MALRD1: variants seen among roughly 807,000 people sequenced by gnomAD.
The protein encoded by MALRD1 is MAM and LDL-receptor class A domain-containing protein 1.
MALRD1 carries 247 observed loss-of-function variants against 242.1 expected under a neutral mutation model. The ratio of observed to expected loss-of-function variants is 1.02; its 90% CI spans 0.92 to 1.13. The LOEUF (loss-of-function observed/expected upper bound fraction) is 1.13, where lower values mean the gene tolerates loss of function less well. Ranked by LOEUF, MALRD1 falls within the 50% of genes most tolerant of loss-of-function variation. MALRD1 has a pLI of 0.00. For missense variants in MALRD1, 2,989 were observed against 2,533.1 expected (o/e 1.18, Z -3.86); for synonymous variants, 995 against 866.6 (o/e 1.15, Z -2.60).
chr10:19,216,060 G>GCTTCCC (rs1178039100), intron 18 of MALRD1, among the ~76,000 whole-genome samples: 1 of 150,682 alleles, frequency 6.6e-6, no homozygotes, highest in Non-Finnish European at 1.5e-5. Context: ...AATAAGAGTA[G>GCTTCCC]CTTCTGCTGA....
rs1381605572 is a variant in MALRD1 at position 19,646,490 on chromosome 10, A to T, written c.6137+30567A>T. On this transcript the variant is annotated intron_variant, in intron 36 of 39. Transcript: ENST00000454679. ...TGTAGTGGCACGCACATGTAATACC[A>T]GCTACTTGGGAGGCTGAGGCAGGAG... Among the ~76,000 whole-genome samples, 3 of 152,162 alleles carry T rather than the reference A, an allele frequency of 2.0e-5. No individual in the cohort carries two copies. The East Asian group carries it at 5.8e-4, about 29-fold the overall frequency.
At chr10:19,159,447 G>T (rs1312172971) in intron 12 of MALRD1, among the ~76,000 whole-genome samples, 1 of 151,952 alleles carries the variant, frequency 6.6e-6, no homozygotes, top group African/African-American at 2.4e-5. Context: ...ACTGAGGAAG[G>T]CATAAAGGGT....
chr10:19,418,876 T>G (rs12249309), intron 28 of MALRD1, among the ~76,000 whole-genome samples: 10,878 of 152,252 alleles, frequency 0.071, 456 homozygotes, highest in Non-Finnish European at 0.084. Context: ...TGGCCTCCTT[T>G]CATTCTAACT....
intron 33 of MALRD1, among the ~76,000 whole-genome samples, chr10:19,582,214 C>G (rs1837164020): frequency 2.0e-5 from 3 of 152,028 alleles, no homozygotes; most frequent in Admixed American, 2.0e-4. Flanking sequence ...TGTGCAGAAG[C>G]TCTTTAGTTT....
intron 31 of MALRD1, among the ~76,000 whole-genome samples, chr10:19,530,404 T>TATAA (rs1564417318): frequency 1.7e-3 from 32 of 19,268 alleles, no homozygotes; most frequent in Admixed American, 2.6e-3. Context: ...ATAAATATTA[T>TATAA]ATATTTATAT....
At chr10:19,132,497 G>A (rs1016861535) in intron 8 of MALRD1, among the ~76,000 whole-genome samples, 1 of 152,208 alleles carries the variant, frequency 6.6e-6, no homozygotes, top group African/African-American at 2.4e-5. Context: ...GAAATTTGGA[G>A]TAAGCATTTG....
intron 14 of MALRD1, among the ~76,000 whole-genome samples, chr10:19,189,659 A>G (rs1835889914): frequency 6.6e-6 from 1 of 152,162 alleles, no homozygotes; most frequent in African/African-American, 2.4e-5. Context: ...TCAACCTAGG[A>G]ATATCTGTCT....
chr10:19,562,916 C>A (rs1366236600), intron 32 of MALRD1, among the ~76,000 whole-genome samples: 1 of 152,172 alleles, frequency 6.6e-6, no homozygotes, highest in South Asian at 2.1e-4. Context: ...CTTCCCCTGG[C>A]ACCCCATCCG....
intron 29 of MALRD1, 56 bp downstream of exon 29, chr10:19,450,546 A>T: frequency 7.0e-7 from 1 of 1,425,354 alleles, no homozygotes; most frequent in Non-Finnish European, 9.5e-7. Flanking sequence ...TAGCCATTTT[A>T]TTTTTGTTAC....
chr10:19,087,990 T>C, intron 3 of MALRD1, 34 bp from the exon 4 acceptor site: 1 of 1,233,190 alleles, frequency 8.1e-7, no homozygotes, highest in Non-Finnish European at 1.0e-6. Flanking sequence ...GACTTCTTTA[T>C]CATAATTGTT....
chr10:19,730,263 A>G (rs1329099886), intron 38 of MALRD1, among the ~76,000 whole-genome samples: 1 of 152,234 alleles, frequency 6.6e-6, no homozygotes, highest in Admixed American at 6.5e-5. Flanking sequence ...GATCTTTATG[A>G]CAGATACTGT....
chr10:19,064,599 A>C (rs1207975484), intron 1 of MALRD1, among the ~76,000 whole-genome samples: 1 of 151,944 alleles, frequency 6.6e-6, no homozygotes, highest in African/African-American at 2.4e-5. Flanking sequence ...ATTTAGATGA[A>C]AAAATGTTTT....
intron 5 of MALRD1, among the ~76,000 whole-genome samples, chr10:19,108,370 C>T (rs1836546181): frequency 7.5e-6 from 1 of 133,682 alleles, no homozygotes; most frequent in Admixed American, 7.8e-5. Context: ...AATTATTGAG[C>T]TCATGAATTG....
chr10:19,098,341 A>T (rs924243324), intron 4 of MALRD1, among the ~76,000 whole-genome samples: 6 of 152,290 alleles, frequency 3.9e-5, no homozygotes, highest in Admixed American at 3.3e-4. Context: ...CATTTCTTTG[A>T]TATTTCATCG....
At chr10:19,581,106 A>G (rs537345846) in intron 33 of MALRD1, among the ~76,000 whole-genome samples, 88 of 152,342 alleles carry the variant, frequency 5.8e-4, no homozygotes, top group African/African-American at 2.0e-3. Flanking sequence ...TTATGGAGAC[A>G]TAAGCACAAA....
chr10:19,203,871 G>C lies in MALRD1; in HGVS notation c.2095G>C (p.Ala699Pro). 2 of 1,550,424 alleles carry C rather than the reference G, an allele frequency of 1.3e-6. No homozygotes were observed. Among genetic ancestry groups the C allele is most frequent in the Non-Finnish European group, 1.7e-6 (2 of 1,146,896 alleles). The change falls in exon 15 of 40, where the codon GCA becomes CCA. Residue 699 changes from alanine (A) to proline (P), a missense_variant. Transcript: ENST00000454679. The stretch of plus-strand genomic sequence containing the variant: ...TCCACCTCGGGATCATAGTCTCAAC[G>C]CATCTCAAGGTAAGAAGCAAACAGG... ...QAPPRDHSLNASQGHFMFILK... is the reference protein window; with the variant it reads ...QAPPRDHSLNPSQGHFMFILK...
intron 29 of MALRD1, among the ~76,000 whole-genome samples, chr10:19,460,991 A>G (rs1835910213): frequency 6.6e-6 from 1 of 152,156 alleles, no homozygotes. Context: ...TCATGGACCA[A>G]TCAAAACAAC....
At chr10:19,061,778 C>G (rs1377681737) in intron 1 of MALRD1, among the ~76,000 whole-genome samples, 14 of 152,248 alleles carry the variant, frequency 9.2e-5, no homozygotes, top group African/African-American at 3.4e-4. Flanking sequence ...CCATATACAA[C>G]AAGGTACCTC....
chr10:19,540,049 G>T (rs1391354081), intron 32 of MALRD1, among the ~76,000 whole-genome samples: 1 of 151,900 alleles, frequency 6.6e-6, no homozygotes, highest in Non-Finnish European at 1.5e-5. Flanking sequence ...ATTAACTTTT[G>T]AATGAGCTGC....
Sources: gnomAD v4.1 joint callset for allele counts (sites outside exome capture counted in the v4.1 genomes callset) on GRCh38, gnomAD v4.1.1 for gene constraint, MANE v1.5 for transcripts, NCBI Gene and HGNC (gene_info 2026-07-23, HGNC 2026-07-21) for gene names.